Variants in SVOPL observed in about 807,000 individuals in gnomAD.
The protein encoded by SVOPL is SVOP like, also known as putative transporter SVOPL.
A neutral mutation model predicts 61.0 loss-of-function variants in SVOPL; 60 were observed. That is an observed-to-expected ratio of 0.98 (90% CI 0.80 to 1.22). The LOEUF is 1.22. Among genes scored for constraint, SVOPL ranks in the 50% most tolerant of loss-of-function variants. SVOPL has a pLI of 0.00. For synonymous variants in SVOPL, 279 were observed against 250.0 expected, an observed-to-expected ratio of 1.12 and a Z score of -1.09; for missense variants, 662 against 643.9, an observed-to-expected ratio of 1.03 and a Z score of -0.30.
intron 9 of SVOPL, among the ~76,000 whole-genome samples, chr7:138,633,011 T>C (rs533615550): frequency 6.6e-6 from 1 of 152,324 alleles, no homozygotes; most frequent in South Asian, 2.1e-4. Flanking sequence ...TAAACCATAA[T>C]AGCTTTCTTC....
intron 1 of SVOPL, chr7:138,689,209 G>C (rs1163138394): frequency 7.4e-7 from 1 of 1,356,162 alleles, no homozygotes; most frequent in Non-Finnish European, 1.1e-6. Context: ...AAGCAGTGGG[G>C]CTGGACACAA....
At chr7:138,688,396 A>C (rs184629446) in intron 1 of SVOPL, among the ~76,000 whole-genome samples, 1 of 152,006 alleles carries the variant, frequency 6.6e-6, no homozygotes, top group Non-Finnish European at 1.5e-5. Context: ...CAGCCTCCCA[A>C]GTAGCTAGGA....
intron 1 of SVOPL, among the ~76,000 whole-genome samples, chr7:138,698,300 A>C (rs1803116718): frequency 6.6e-6 from 1 of 152,184 alleles, no homozygotes; most frequent in Admixed American, 6.5e-5. Flanking sequence ...GCTATTGCCT[A>C]CCCAACATCA....
rs753564328 is a variant in SVOPL at position 138,627,379 on chromosome 7, G to A, written c.1152C>T (p.Phe384=). 1.9e-6 allele frequency: 3 copies of A among 1,613,520 alleles called. No individual in the cohort carries two copies. The highest frequency in any genetic ancestry group is 2.5e-6 in the Non-Finnish European group (3 of 1,179,468). Residue 384 remains phenylalanine (F), a synonymous_variant, in exon 12 of 16, where the codon TTC becomes TTT. Transcript: ENST00000674285. The part of the protein sequence containing the change: ...LSITMGCTAL[F]FLLLNICTSS... ...AAGTGCAAATGTTGAGGAGAAGGAAGAATAAAGCCGTGCATCCCATGGTAA... is the reference window on the plus strand; with the variant it reads ...AAGTGCAAATGTTGAGGAGAAGGAAAAATAAAGCCGTGCATCCCATGGTAA...
chr7:138,616,340 C>CTTT (rs5887891), intron 14 of SVOPL, among the ~76,000 whole-genome samples: 150 of 146,158 alleles, frequency 1.0e-3, no homozygotes, highest in African/African-American at 3.5e-3. Flanking sequence ...ATCTTTAATA[C>CTTT]TTTTTTTTTT....
At chr7:138,602,144 C>T (rs1798549928) in intron 14 of SVOPL, among the ~76,000 whole-genome samples, 2 of 152,006 alleles carry the variant, frequency 1.3e-5, no homozygotes, top group Non-Finnish European at 2.9e-5. Context: ...AAGTTTGAGG[C>T]TACAGTGATC....
At chr7:138,641,048 T>C (rs1359852566) in intron 9 of SVOPL, among the ~76,000 whole-genome samples, 9 of 151,796 alleles carry the variant, frequency 5.9e-5, no homozygotes, top group Non-Finnish European at 4.4e-5. Flanking sequence ...ACAAGAAATT[T>C]AAAAATTAGC....
intron 9 of SVOPL, among the ~76,000 whole-genome samples, chr7:138,632,190 G>A (rs2116933568): frequency 6.6e-6 from 1 of 152,294 alleles, no homozygotes; most frequent in East Asian, 1.9e-4. Flanking sequence ...CCAGAACTTT[G>A]GGAGGCTGAG....
At position 138,665,483 on chromosome 7, in the gene SVOPL, G is replaced by A. The variant is rs555866675; in HGVS notation, c.274-2338C>T. ...TTGGGAGAGTTCAGCTGCTTAGAGA[G>A]AAGTCTTCTGAGCTGTGATGGCCTA... On this transcript the variant is annotated intron_variant, in intron 4 of 15. Coordinates refer to ENST00000674285, the MANE Select transcript of SVOPL (RefSeq NM_001139456.2). 4.7e-3 allele frequency among the ~76,000 whole-genome samples: 720 copies of A among 152,120 alleles called. 8 individuals are homozygous for A. The highest frequency in any genetic ancestry group is 0.016 in the African/African-American group (671 of 41,518).
At chr7:138,684,242 G>C (rs1395914775) in intron 1 of SVOPL, among the ~76,000 whole-genome samples, 5 of 151,786 alleles carry the variant, frequency 3.3e-5, no homozygotes, top group Non-Finnish European at 7.4e-5. Flanking sequence ...GTGGGTGCCT[G>C]TAATCCCAGC....
intron 14 of SVOPL, among the ~76,000 whole-genome samples, chr7:138,601,200 C>T (rs914574172): frequency 4.4e-5 from 6 of 136,996 alleles, no homozygotes; most frequent in Non-Finnish European, 7.6e-5. Flanking sequence ...TGCAGTGAGC[C>T]AAGATCGTGC....
chr7:138,697,921 G>C (rs994620729), intron 1 of SVOPL, among the ~76,000 whole-genome samples: 1 of 151,942 alleles, frequency 6.6e-6, no homozygotes, highest in African/African-American at 2.4e-5. Flanking sequence ...TTATAATTTT[G>C]AAATCTTTAC....
At position 138,622,138 on chromosome 7, in the gene SVOPL, G is replaced by C. The variant is rs71550682; in HGVS notation, c.1264-1003C>G. Among the ~76,000 whole-genome samples the C allele has an allele frequency of 8.9e-3, 203 of 22,850 alleles. 2 individuals are homozygous for C. The highest frequency in any genetic ancestry group is 0.016 in the South Asian group (11 of 696). 15.0% of individuals were successfully genotyped at this position (22,850 alleles called of 152,430 possible). On this transcript the variant is annotated intron_variant, in intron 13 of 15. Coordinates refer to ENST00000674285, the MANE Select transcript of SVOPL (RefSeq NM_001139456.2). ...TCTATCTATGTATCTATCTATCTAT[G>C]TATCTATCTATGTATCTATCTGTCT...
chr7:138,700,807 G>A (rs1400052477), intron 1 of SVOPL, among the ~76,000 whole-genome samples: 1 of 152,108 alleles, frequency 6.6e-6, no homozygotes, highest in East Asian at 1.9e-4. Flanking sequence ...TTCCTAAAAA[G>A]CTACAATGGG....
chr7:138,653,631 A>C (rs1244693004), intron 7 of SVOPL, among the ~76,000 whole-genome samples: 1 of 151,856 alleles, frequency 6.6e-6, no homozygotes, highest in East Asian at 1.9e-4. Flanking sequence ...GCAAAATCTC[A>C]TCTCAACTAA....
intron 14 of SVOPL, among the ~76,000 whole-genome samples, chr7:138,611,893 T>C (rs1428924435): frequency 1.5e-3 from 101 of 65,912 alleles, no homozygotes; most frequent in Middle Eastern, 5.0e-3. Flanking sequence ...GTCTGGGAGG[T>C]GTGCCCAACA....
chr7:138,693,990 TCA>T (rs113866122), intron 1 of SVOPL, among the ~76,000 whole-genome samples: 4,916 of 152,244 alleles, frequency 0.032, 258 homozygotes, highest in African/African-American at 0.11. Context: ...CACCGTACCT[TCA>T]CATTAAAGGG....
chr7:138,656,308 G>C, intron 7 of SVOPL, 140 bp downstream of exon 7: 1 of 824,832 alleles, frequency 1.2e-6, no homozygotes, highest in East Asian at 2.5e-5. Flanking sequence ...AACCAAAAAG[G>C]TTGTGTGACT....
At position 138,649,004 on chromosome 7, in the gene SVOPL, T is replaced by G. The variant is rs746056607; in HGVS notation, c.660+8A>C. 2 of 1,613,672 alleles carry G rather than the reference T, an allele frequency of 1.2e-6. No individual in the cohort carries two copies. The highest frequency in any genetic ancestry group is 1.7e-6 in the Non-Finnish European group (2 of 1,179,822). ...GGGGACAGGAAGGAGCCACAAGTGC[T>G]TCCCCACCTTGAAGGCCACGATGAG... On this transcript the variant is annotated splice_region_variant and intron_variant, in intron 8 of 15. Coordinates refer to ENST00000674285, the MANE Select transcript of SVOPL (RefSeq NM_001139456.2).
Sources: gnomAD v4.1 joint callset for allele counts (sites outside exome capture counted in the v4.1 genomes callset) on GRCh38, gnomAD v4.1.1 for gene constraint, MANE v1.5 for transcripts, NCBI Gene and HGNC (gene_info 2026-07-23, HGNC 2026-07-21) for gene names.